The following BLTP3A variants were observed in gnomAD, a reference collection of about 807,000 sequenced individuals.
The protein encoded by BLTP3A is ICBP90 binding protein 1.
the BLTP3A span, among the ~76,000 whole-genome samples, chr6:34,844,289 T>G: frequency 1.3e-5 from 2 of 150,304 alleles, no homozygotes; most frequent in Non-Finnish European, 3.0e-5. Flanking sequence ...GCCTGGTTTG[T>G]TTTTGAGACA....
At chr6:34,806,541 A>G in the BLTP3A span, among the ~76,000 whole-genome samples, 1 of 152,238 alleles carries the variant, frequency 6.6e-6, no homozygotes, top group East Asian at 1.9e-4. Context: ...AGTTCTGCTC[A>G]GAAACTAACG....
At chr6:34,873,215 A>G in the BLTP3A span, 1 of 152,166 alleles carries the variant, frequency 6.6e-6, no homozygotes, top group African/African-American at 2.4e-5. Context: ...ACGCTGAGCT[A>G]GGTTGGTGGC....
At chr6:34,837,795 C>G in the BLTP3A span, among the ~76,000 whole-genome samples, 1 of 150,386 alleles carries the variant, frequency 6.6e-6, no homozygotes, top group Non-Finnish European at 1.5e-5. Flanking sequence ...TAATTTGCCA[C>G]TCACTCATTT....
At chr6:34,801,577 C>T in the BLTP3A span, among the ~76,000 whole-genome samples, 1 of 152,112 alleles carries the variant, frequency 6.6e-6, no homozygotes, top group South Asian at 2.1e-4. Flanking sequence ...CATAAAGAAG[C>T]ATTGTCCCTT....
the BLTP3A span, among the ~76,000 whole-genome samples, chr6:34,813,501 A>C: frequency 2.0e-5 from 3 of 152,218 alleles, no homozygotes; most frequent in African/African-American, 7.2e-5. Flanking sequence ...ACTTGATCAA[A>C]ATCTGTTTTT....
chr6:34,833,518 A>G, the BLTP3A span, among the ~76,000 whole-genome samples: 1 of 152,036 alleles, frequency 6.6e-6, no homozygotes. Flanking sequence ...ACATTATCTA[A>G]ATATTTAGAT....
chr6:34,812,335 A>AG, the BLTP3A span, among the ~76,000 whole-genome samples: 1 of 151,990 alleles, frequency 6.6e-6, no homozygotes, highest in Non-Finnish European at 1.5e-5. Flanking sequence ...TCTTAAAAAA[A>AG]AAAAAAAGAC....
At chr6:34,855,682 T>C in the BLTP3A span, 1 of 1,613,798 alleles carries the variant, frequency 6.2e-7, no homozygotes, top group Non-Finnish European at 8.5e-7. Flanking sequence ...GGCGTTTGAC[T>C]ATTACCCTTT....
chr6:34,838,673 G>A, the BLTP3A span, among the ~76,000 whole-genome samples: 2 of 152,190 alleles, frequency 1.3e-5, no homozygotes, highest in African/African-American at 2.4e-5. Flanking sequence ...GGCTGGGCAC[G>A]ATGACTTACA....
the BLTP3A span, among the ~76,000 whole-genome samples, chr6:34,826,041 T>TC: frequency 6.7e-6 from 1 of 148,536 alleles, no homozygotes; most frequent in East Asian, 1.9e-4. Context: ...TTTTTTTTTT[T>TC]TTTTTTGAGA....
the BLTP3A span, among the ~76,000 whole-genome samples, chr6:34,844,588 G>C: frequency 6.6e-6 from 1 of 152,072 alleles, no homozygotes; most frequent in African/African-American, 2.4e-5. Flanking sequence ...TTGTAGTTTT[G>C]ATTTTCATTT....
the BLTP3A span, chr6:34,873,014 G>C: frequency 6.6e-6 from 1 of 152,190 alleles, no homozygotes; most frequent in African/African-American, 2.4e-5. Flanking sequence ...GCCTTTTTGG[G>C]AAAAGGAACC....
At chr6:34,804,916 T>G in the BLTP3A span, among the ~76,000 whole-genome samples, 1 of 152,178 alleles carries the variant, frequency 6.6e-6, no homozygotes, top group Non-Finnish European at 1.5e-5. Flanking sequence ...TATTTGACCT[T>G]TCTATGCCTC....
At chr6:34,813,959 A>C in the BLTP3A span, among the ~76,000 whole-genome samples, 4 of 128,356 alleles carry the variant, frequency 3.1e-5, no homozygotes, top group Admixed American at 9.1e-5. Context: ...ACCTCCCCAA[A>C]CCTCCCCAAC....
At chr6:34,866,287 C>T in the BLTP3A span, among the ~76,000 whole-genome samples, 2 of 151,954 alleles carry the variant, frequency 1.3e-5, no homozygotes, top group Admixed American at 1.3e-4. Flanking sequence ...GCCTGTAATC[C>T]CAGCTACTCA....
chr6:34,857,702 T>C, the BLTP3A span: 4 of 1,605,744 alleles, frequency 2.5e-6, no homozygotes, highest in Admixed American at 6.8e-5. Context: ...AGGATGTTTC[T>C]TTTCTTCCCT....
chr6:34,812,907 A>G, the BLTP3A span, among the ~76,000 whole-genome samples: 1 of 152,352 alleles, frequency 6.6e-6, no homozygotes, highest in East Asian at 1.9e-4. Flanking sequence ...ATCTAAACCA[A>G]CTGCTTCAGT....
chr6:34,805,359 G>A, the BLTP3A span, among the ~76,000 whole-genome samples: 1 of 152,058 alleles, frequency 6.6e-6, no homozygotes, highest in Admixed American at 6.6e-5. Context: ...TTGGGAGGCT[G>A]AGGCAAGCAG....
At chr6:34,832,155 T>G in the BLTP3A span, among the ~76,000 whole-genome samples, 1 of 150,122 alleles carries the variant, frequency 6.7e-6, no homozygotes, top group Admixed American at 6.6e-5. Context: ...GGTCTCACTC[T>G]GTCACTCAGG....
Sources: allele counts gnomAD v4.1 joint callset (sites outside exome capture counted in the v4.1 genomes callset), GRCh38; gene constraint gnomAD v4.1.1; transcripts MANE v1.5; gene names NCBI Gene and HGNC (gene_info 2026-07-23, HGNC 2026-07-21).